The following JAZF1 variants were observed in gnomAD, a reference collection of about 807,000 sequenced individuals.
The protein encoded by JAZF1 is JAZF zinc finger 1.
In JAZF1, 8 loss-of-function variants were observed where a neutral mutation model predicts 26.4. That is an observed-to-expected ratio of 0.30 (90% confidence interval 0.18 to 0.55). The LOEUF is 0.55. Among genes scored for constraint, JAZF1 ranks in the 20% least tolerant of loss-of-function variants. The pLI, the probability that JAZF1 is intolerant of heterozygous loss-of-function variation, is 0.94. For missense variants in JAZF1, 199 were observed against 322.0 expected, an observed-to-expected ratio of 0.62 and a Z score of 2.92; for synonymous variants, 126 against 122.3, an observed-to-expected ratio of 1.03 and a Z score of -0.20.
intron 3 of JAZF1, among the ~76,000 whole-genome samples, chr7:27,851,908 G>A (rs1783158183): frequency 6.7e-6 from 1 of 148,702 alleles, no homozygotes; most frequent in Non-Finnish European, 1.5e-5. Context: ...CTGAGTTATG[G>A]ACCCACACTG....
intron 1 of JAZF1, among the ~76,000 whole-genome samples, chr7:28,050,541 ATGT>A (rs967835419): frequency 6.6e-6 from 1 of 152,198 alleles, no homozygotes; most frequent in Non-Finnish European, 1.5e-5. Flanking sequence ...TTAAACGTCC[ATGT>A]TGTTAGATTT....
chr7:27,842,620 A>G (rs1782943280), intron 3 of JAZF1: 1 of 152,166 alleles, frequency 6.6e-6, no homozygotes, highest in African/African-American at 2.4e-5. Context: ...CGCTTGTACC[A>G]AGTGACACAG....
chr7:28,083,368 T>C (rs1784166863), intron 1 of JAZF1, among the ~76,000 whole-genome samples: 1 of 152,176 alleles, frequency 6.6e-6, no homozygotes, highest in Admixed American at 6.5e-5. Context: ...CATAAACTCA[T>C]GATTATGAAT....
intron 1 of JAZF1, among the ~76,000 whole-genome samples, chr7:28,039,538 G>A (rs551910710): frequency 1.3e-5 from 2 of 152,072 alleles, no homozygotes; most frequent in Non-Finnish European, 2.9e-5. Flanking sequence ...GATATATGAA[G>A]CTAAGATAGT....
intron 2 of JAZF1, among the ~76,000 whole-genome samples, chr7:27,910,626 T>A (rs560933715): frequency 1.3e-5 from 2 of 152,212 alleles, no homozygotes; most frequent in South Asian, 4.1e-4. Context: ...AACCTGATTA[T>A]CCCAAATCCC....
intron 3 of JAZF1, among the ~76,000 whole-genome samples, chr7:27,883,553 T>C (rs1274656500): frequency 6.6e-6 from 1 of 152,244 alleles, no homozygotes; most frequent in Non-Finnish European, 1.5e-5. Context: ...AATCTGAGGA[T>C]TTAAGTGCCT....
intron 1 of JAZF1, among the ~76,000 whole-genome samples, chr7:28,081,231 G>A (rs1445600348): frequency 6.6e-6 from 1 of 152,160 alleles, no homozygotes; most frequent in East Asian, 1.9e-4. Context: ...CAGTAAGCCT[G>A]GAATGGAGCC....
intron 1 of JAZF1, among the ~76,000 whole-genome samples, chr7:28,042,946 C>T (rs1364963905): frequency 6.6e-6 from 1 of 152,122 alleles, no homozygotes; most frequent in Non-Finnish European, 1.5e-5. Flanking sequence ...AGAAAGTATT[C>T]CCATTGTTAA....
chr7:28,149,242 T>C (rs1401170357), intron 1 of JAZF1, among the ~76,000 whole-genome samples: 1 of 152,196 alleles, frequency 6.6e-6, no homozygotes, highest in African/African-American at 2.4e-5. Context: ...CAGACAACTA[T>C]ATCCCCTTTC....
At chr7:27,892,725 A>C (rs533538241) in intron 3 of JAZF1, among the ~76,000 whole-genome samples, 1 of 152,236 alleles carries the variant, frequency 6.6e-6, no homozygotes. Flanking sequence ...AAAATAAAAT[A>C]TAAGGGAAAC....
At chr7:28,054,863 A>G (rs183074021) in intron 1 of JAZF1, among the ~76,000 whole-genome samples, 27 of 152,060 alleles carry the variant, frequency 1.8e-4, no homozygotes, top group Admixed American at 7.9e-4. Context: ...GCTAGGTAGG[A>G]TTTACCTCAT....
chr7:28,136,767 G>A (rs1187501685), intron 1 of JAZF1, among the ~76,000 whole-genome samples: 1 of 152,180 alleles, frequency 6.6e-6, no homozygotes, highest in African/African-American at 2.4e-5. Flanking sequence ...TCTGACCTAA[G>A]TACTAATTGT....
At chr7:27,838,157 CTT>C (rs1782853600) in intron 4 of JAZF1, among the ~76,000 whole-genome samples, 1 of 152,108 alleles carries the variant, frequency 6.6e-6, no homozygotes, top group African/African-American at 2.4e-5. Context: ...CCCTGGGTGT[CTT>C]GTCTCCTGTG....
intron 1 of JAZF1, among the ~76,000 whole-genome samples, chr7:28,174,199 T>C (rs559539464): frequency 1.3e-5 from 2 of 152,314 alleles, no homozygotes; most frequent in African/African-American, 4.8e-5. Flanking sequence ...TGTCAAGATC[T>C]GAAGGCGGGG....
intron 2 of JAZF1, among the ~76,000 whole-genome samples, chr7:27,981,463 C>G (rs565071860): frequency 6.6e-6 from 1 of 152,054 alleles, no homozygotes; most frequent in Non-Finnish European, 1.5e-5. Context: ...CTGGAGAAAT[C>G]TGAATATTAG....
intron 2 of JAZF1, among the ~76,000 whole-genome samples, chr7:27,895,638 C>T (rs1784050594): frequency 6.6e-6 from 1 of 152,150 alleles, no homozygotes; most frequent in African/African-American, 2.4e-5. Context: ...ATTTCTTACC[C>T]AGCAAATCCT....
rs1782689543 is a variant in JAZF1 at position 27,831,341 on chromosome 7, G to C, written c.*1459C>G. 1 of 227,142 alleles carries C rather than the reference G, an allele frequency of 4.4e-6. No homozygotes were observed. The highest frequency in any genetic ancestry group is 2.2e-5 in the African/African-American group (1 of 44,994). 14.1% of individuals were successfully genotyped at this position (227,142 alleles called of 1,614,324 possible). ...GACTTTTCATCAAATGGGAACATGGGAAGAAACTTTATAAGCAATTTGAGT... is the reference window on the plus strand; with the variant it reads ...GACTTTTCATCAAATGGGAACATGGCAAGAAACTTTATAAGCAATTTGAGT... On this transcript the variant is annotated 3_prime_UTR_variant, in exon 5 of 5. Transcript: ENST00000283928.
At chr7:28,122,683 A>G (rs1412063628) in intron 1 of JAZF1, among the ~76,000 whole-genome samples, 1 of 152,100 alleles carries the variant, frequency 6.6e-6, no homozygotes, top group East Asian at 1.9e-4. Flanking sequence ...CATTGCTTGT[A>G]AGGTTAGGGC....
chr7:27,846,311 T>TTG lies in JAZF1; in HGVS notation c.386-5446_386-5445dup, dbSNP rs145360958. ...TTTTGTAAGGCTGAATAGTATTCCA[T>TTG]TGTGTGTGTGTGTATACATATGTAC... is the stretch of plus-strand genomic sequence containing the variant. On this transcript the variant is annotated intron_variant, in intron 3 of 4. Coordinates refer to ENST00000283928, the MANE Select transcript of JAZF1 (RefSeq NM_175061.4). Among the ~76,000 whole-genome samples the TTG allele has an allele frequency of 6.0e-5, 9 of 151,208 alleles. 1 individual carries two copies. Among genetic ancestry groups the TTG allele is most frequent in the African/African-American group, 9.7e-5 (4 of 41,282 alleles).
Sources: allele counts gnomAD v4.1 joint callset (sites outside exome capture counted in the v4.1 genomes callset), GRCh38; gene constraint gnomAD v4.1.1; transcripts MANE v1.5; gene names NCBI Gene and HGNC (gene_info 2026-07-23, HGNC 2026-07-21).